Variants in PCDH11X observed in about 807,000 individuals in gnomAD.
PCDH11X encodes the protein protocadherin 11 X-linked.
In PCDH11X, 18 loss-of-function variants were observed where a neutral mutation model predicts 53.3. That is an observed-to-expected ratio of 0.34 (90% CI 0.23 to 0.50). PCDH11X has a LOEUF of 0.50. Ranked by LOEUF, PCDH11X falls within the 20% of genes least tolerant of loss-of-function variation. The pLI is 0.98. For missense variants in PCDH11X, 570 were observed against 1,032.4 expected, an observed-to-expected ratio of 0.55 and a Z score of 6.14; for synonymous variants, 279 against 393.3, an observed-to-expected ratio of 0.71 and a Z score of 3.44.
chrX:91,999,562 A>G (rs2062474915), intron 6 of PCDH11X, among the ~76,000 whole-genome samples: 1 of 111,140 alleles, frequency 9.0e-6, no homozygotes, highest in Non-Finnish European at 1.9e-5. Context: ...AACTTAGAAG[A>G]AAAAATAAAA....
At chrX:91,920,400 A>G (rs1941703699) in intron 6 of PCDH11X, among the ~76,000 whole-genome samples, 1 of 108,815 alleles carries the variant, frequency 9.2e-6, no homozygotes, top group Non-Finnish European at 1.9e-5. Context: ...TAAATAATTC[A>G]AACATGCATT....
intron 6 of PCDH11X, among the ~76,000 whole-genome samples, chrX:92,042,539 A>G (rs1009233993): frequency 4.7e-5 from 5 of 105,750 alleles, no homozygotes; most frequent in Admixed American, 3.2e-4. Context: ...ATTTTCTCTC[A>G]ATGAACTACA....
chrX:92,282,416 G>T (rs750943823), intron 8 of PCDH11X, among the ~76,000 whole-genome samples: 1 of 111,018 alleles, frequency 9.0e-6, no homozygotes, highest in South Asian at 3.8e-4. Flanking sequence ...TTAAATTATA[G>T]AATTTAATAT....
chrX:92,005,283 C>T (rs2062580467), intron 6 of PCDH11X, among the ~76,000 whole-genome samples: 1 of 110,847 alleles, frequency 9.0e-6, no homozygotes, highest in South Asian at 3.9e-4. Flanking sequence ...TTCTTTCCTT[C>T]CTGTCTTCCT....
At chrX:92,199,928 C>T (rs1428695629) in intron 6 of PCDH11X, among the ~76,000 whole-genome samples, 1 of 110,423 alleles carries the variant, frequency 9.1e-6, no homozygotes, top group Non-Finnish European at 1.9e-5. Context: ...CAGAGGGCAG[C>T]CCAGCAGACG....
At chrX:92,423,704 A>C (rs1377753360) in intron 9 of PCDH11X, among the ~76,000 whole-genome samples, 2 of 95,533 alleles carry the variant, frequency 2.1e-5, no homozygotes, top group Non-Finnish European at 4.6e-5. Flanking sequence ...ATTCTTCTAC[A>C]TGTGGCTTGC....
chrX:92,580,747 G>T (rs1175033786), intron 10 of PCDH11X, among the ~76,000 whole-genome samples: 1 of 111,900 alleles, frequency 8.9e-6, no homozygotes, highest in African/African-American at 3.3e-5. Context: ...CCAAGGCCCT[G>T]GTAGCCTGGG....
chrX:92,147,938 TCTTC>T (rs1411310781), intron 6 of PCDH11X, among the ~76,000 whole-genome samples: 3 of 95,815 alleles, frequency 3.1e-5, no homozygotes, highest in Admixed American at 1.2e-4. Flanking sequence ...TTCCTTTCTC[TCTTC>T]CTTCCTTCCT....
intron 6 of PCDH11X, among the ~76,000 whole-genome samples, chrX:92,009,019 T>A (rs1256852288): frequency 1.8e-5 from 2 of 112,204 alleles, no homozygotes; most frequent in Non-Finnish European, 3.8e-5. Flanking sequence ...ATCCCACAAA[T>A]ACTTTATTTT....
intron 6 of PCDH11X, among the ~76,000 whole-genome samples, chrX:91,962,235 G>A (rs941234328): frequency 3.6e-5 from 4 of 110,517 alleles, no homozygotes; most frequent in African/African-American, 1.3e-4. Flanking sequence ...TTCTGCCTAT[G>A]AGCCTGTAAA....
At chrX:92,493,237 T>A (rs918339087) in intron 10 of PCDH11X, among the ~76,000 whole-genome samples, 8 of 111,246 alleles carry the variant, frequency 7.2e-5, no homozygotes, top group Admixed American at 1.9e-4. Context: ...GTAATTTTTT[T>A]TTTAAATTGT....
At chrX:92,003,316 C>A (rs1434819340) in intron 6 of PCDH11X, among the ~76,000 whole-genome samples, 32 of 105,971 alleles carry the variant, frequency 3.0e-4, no homozygotes, top group African/African-American at 9.9e-4. Flanking sequence ...CATCAATACT[C>A]ATCAGAGATA....
intron 10 of PCDH11X, among the ~76,000 whole-genome samples, chrX:92,613,545 T>TGTGTG (rs1183707374): frequency 7.6e-5 from 5 of 65,539 alleles, no homozygotes; most frequent in African/African-American, 2.9e-4. Flanking sequence ...GTTGTTGTTG[T>TGTGTG]TGTGTGTGTG....
At chrX:92,408,750 T>C (rs925506925) in intron 9 of PCDH11X, among the ~76,000 whole-genome samples, 2 of 109,604 alleles carry the variant, frequency 1.8e-5, no homozygotes, top group African/African-American at 6.7e-5. Flanking sequence ...GCCGGGCTAA[T>C]TTTTTGTGTT....
intron 8 of PCDH11X, among the ~76,000 whole-genome samples, chrX:92,382,590 A>G (rs1397753236): frequency 9.0e-6 from 1 of 111,358 alleles, no homozygotes; most frequent in Non-Finnish European, 1.9e-5. Flanking sequence ...TAGTCTGTAA[A>G]TGATTTATGT....
At position 92,272,849 on chromosome X, in the gene PCDH11X, G is replaced by A. The variant is rs1156522981; in HGVS notation, c.3144+9706G>A. 3.6e-5 allele frequency among the ~76,000 whole-genome samples: 4 copies of A among 112,181 alleles called. No homozygotes were observed. The East Asian group carries it at 1.1e-3, about 31-fold the overall frequency. On this transcript the variant is annotated intron_variant, in intron 8 of 10. Transcript: ENST00000682573. ...CATTGTCTAGAAAGAAAAAGAGGTT[G>A]TAAACTAAAAATTCCATTTGATACA... is the stretch of plus-strand genomic sequence containing the variant.
chrX:92,468,452 T>A, intron 10 of PCDH11X, 130 bp downstream of exon 10: 1 of 700,568 alleles, frequency 1.4e-6, no homozygotes, highest in Non-Finnish European at 2.0e-6. Context: ...TTCAAACACA[T>A]TTTTGATACA....
At chrX:92,566,366 A>G (rs1921473782) in intron 10 of PCDH11X, among the ~76,000 whole-genome samples, 1 of 109,286 alleles carries the variant, frequency 9.2e-6, no homozygotes, top group Non-Finnish European at 1.9e-5. Context: ...TTCTATTAAT[A>G]TTTTATTGAA....
intron 6 of PCDH11X, among the ~76,000 whole-genome samples, chrX:92,095,771 C>T (rs998482398): frequency 4.5e-5 from 5 of 112,079 alleles, no homozygotes; most frequent in Non-Finnish European, 5.6e-5. Flanking sequence ...AATTTGTACA[C>T]GTAGTGAAAT....
Sources: allele counts gnomAD v4.1 joint callset (sites outside exome capture counted in the v4.1 genomes callset), GRCh38; gene constraint gnomAD v4.1.1; transcripts MANE v1.5; gene names NCBI Gene and HGNC (gene_info 2026-07-23, HGNC 2026-07-21).